Variants in NNT observed in about 807,000 individuals in gnomAD.
The protein encoded by NNT is NAD(P) transhydrogenase, mitochondrial.
Under a neutral mutation model 104.8 loss-of-function variants are expected in NNT, and 50 were observed. The ratio of observed to expected loss-of-function variants is 0.48; its 90% CI spans 0.38 to 0.60. The LOEUF (loss-of-function observed/expected upper bound fraction) is 0.60, where lower values mean the gene tolerates loss of function less well. Among genes scored for constraint, NNT ranks in the 20% least tolerant of loss-of-function variants. The pLI is 0.00. For missense variants in NNT, 1,131 were observed against 1,330.7 expected (o/e 0.85, Z 2.33); for synonymous variants, 461 against 490.4 (o/e 0.94, Z 0.79).
At chr5:43,690,154 C>T (rs1433548903) in intron 19 of NNT, among the ~76,000 whole-genome samples, 1 of 152,048 alleles carries the variant, frequency 6.6e-6, no homozygotes, top group Non-Finnish European at 1.5e-5. Flanking sequence ...CCAAATAACA[C>T]CTAGTAAAAC....
At chr5:43,624,881 T>A (rs1411676041) in intron 6 of NNT, among the ~76,000 whole-genome samples, 1 of 152,164 alleles carries the variant, frequency 6.6e-6, no homozygotes, top group African/African-American at 2.4e-5. Flanking sequence ...CTACTGTTAA[T>A]CTTGAACATA....
intron 2 of NNT, among the ~76,000 whole-genome samples, 171 bp downstream of exon 2, chr5:43,609,517 CG>C (rs1749397018): frequency 6.6e-6 from 1 of 152,146 alleles, no homozygotes; most frequent in Non-Finnish European, 1.5e-5. Flanking sequence ...GTACTATAGA[CG>C]TTCCTGATTT....
intron 19 of NNT, among the ~76,000 whole-genome samples, chr5:43,684,937 A>G (rs1259180763): frequency 6.6e-6 from 1 of 152,210 alleles, no homozygotes; most frequent in Non-Finnish European, 1.5e-5. Flanking sequence ...CTCAGAATGT[A>G]ACACTGCCAC....
intron 12 of NNT, among the ~76,000 whole-genome samples, chr5:43,651,226 T>A (rs1043270731): frequency 6.6e-5 from 10 of 152,176 alleles, no homozygotes; most frequent in African/African-American, 2.2e-4. Context: ...TCTTCCTGAA[T>A]ATATTTAGTG....
intron 17 of NNT, chr5:43,666,856 T>C (rs1740727127): frequency 6.8e-7 from 1 of 1,478,184 alleles, no homozygotes; most frequent in African/African-American, 1.4e-5. Context: ...GGTTTGATCC[T>C]TGGCCTTGGC....
chr5:43,698,464 C>A (rs1001299831), intron 19 of NNT, among the ~76,000 whole-genome samples: 4 of 151,948 alleles, frequency 2.6e-5, no homozygotes, highest in African/African-American at 9.7e-5. Context: ...GTGTGCCCTG[C>A]AATGAGATAG....
chr5:43,608,532 A>G (rs1749341003), intron 1 of NNT, among the ~76,000 whole-genome samples: 1 of 152,168 alleles, frequency 6.6e-6, no homozygotes, highest in Admixed American at 6.5e-5. Context: ...TCTTAGAGTC[A>G]TGTGTCATGC....
At chr5:43,607,661 C>A (rs1749298727) in intron 1 of NNT, among the ~76,000 whole-genome samples, 1 of 152,172 alleles carries the variant, frequency 6.6e-6, no homozygotes, top group South Asian at 2.1e-4. Context: ...CCATGTTGCC[C>A]AGGCTGGTCT....
rs771507700 is a variant in NNT, at chr5:43,613,132, G to A, written c.376G>A (p.Val126Ile). 3.7e-6 allele frequency: 6 copies of A among 1,610,448 alleles called. No individual in the cohort carries two copies. The highest frequency in any genetic ancestry group is 1.7e-4 in the Middle Eastern group (1 of 6,052). The stretch of plus-strand genomic sequence containing the variant: ...GGAAGTGCTGGCTTCTGATTTGGTG[G>A]TCAAAGTAATTATTCCTTTTTCCTC... ...AKEVLASDLV[V>I]KVRAPMVNPT... Residue 126 changes from valine to isoleucine, a missense_variant, in exon 3 of 22, where the codon GTC becomes ATC. Transcript: ENST00000344920.
intron 17 of NNT, among the ~76,000 whole-genome samples, chr5:43,663,075 T>G (rs1740455766): frequency 6.6e-6 from 1 of 152,152 alleles, no homozygotes; most frequent in South Asian, 2.1e-4. Flanking sequence ...TATGTAATTG[T>G]CTAACCTTAA....
At position 43,624,127 on chromosome 5, in the gene NNT, G is replaced by A; in HGVS notation, c.776+7G>A. ...TTCGAGGATTTGACACAAGGTGAGTGCTTTACTAGTGACTGATGTTAAGGT... is the reference window on the plus strand; with the variant it reads ...TTCGAGGATTTGACACAAGGTGAGTACTTTACTAGTGACTGATGTTAAGGT... On this transcript the variant is annotated splice_region_variant and intron_variant, in intron 6 of 21. Coordinates refer to ENST00000344920, the MANE Select transcript of NNT (RefSeq NM_182977.3). The A allele has an allele frequency of 6.2e-7, 1 of 1,613,412 alleles. No homozygotes were observed. The highest frequency in any genetic ancestry group is 8.5e-7 in the Non-Finnish European group (1 of 1,179,342).
intron 7 of NNT, among the ~76,000 whole-genome samples, chr5:43,629,209 TC>T (rs1750545650): frequency 6.6e-6 from 1 of 152,142 alleles, no homozygotes; most frequent in Non-Finnish European, 1.5e-5. Context: ...TAGCTTAGCT[TC>T]CACTTTTAAC....
intron 17 of NNT, among the ~76,000 whole-genome samples, chr5:43,674,910 A>G (rs1212504277): frequency 1.3e-5 from 2 of 152,162 alleles, no homozygotes; most frequent in Non-Finnish European, 2.9e-5. Flanking sequence ...TCTTCTACCT[A>G]TTTGGAAGTG....
chr5:43,630,744 T>C (rs1204560723), intron 7 of NNT, among the ~76,000 whole-genome samples: 1 of 152,214 alleles, frequency 6.6e-6, no homozygotes, highest in Non-Finnish European at 1.5e-5. Flanking sequence ...TCACCTCTTC[T>C]CTTCACCTAT....
At chr5:43,702,226 A>G (rs142453122) in intron 20 of NNT, among the ~76,000 whole-genome samples, 3 of 152,222 alleles carry the variant, frequency 2.0e-5, no homozygotes, top group African/African-American at 7.2e-5. Flanking sequence ...TTCTTCTTGG[A>G]TTCTTATAGT....
Position 43,645,472 on chromosome 5 carries a change from TC to T in NNT, c.1407del (p.Phe469LeufsTer28). The T allele has an allele frequency of 6.4e-7, 1 of 1,568,592 alleles. No individual in the cohort carries two copies. Among genetic ancestry groups the T allele is most frequent in the East Asian group, 2.4e-5 (1 of 42,174 alleles). On this transcript the variant is annotated frameshift_variant, in exon 10 of 22. Transcript: ENST00000344920. LOFTEE classifies it high-confidence loss of function. ...EAEKAATITP[F>X]RKTMSTASAY... ...GAAAAAGCAGCTACCATTACACCCT[TC>T]AGGAAGACAATGTCAACGGCTTCTG...
At chr5:43,621,415 C>T (rs576076719) in intron 5 of NNT, among the ~76,000 whole-genome samples, 13 of 152,218 alleles carry the variant, frequency 8.5e-5, no homozygotes, top group South Asian at 8.3e-4. Flanking sequence ...TTATGATATG[C>T]GAGGCATTGT....
intron 17 of NNT, among the ~76,000 whole-genome samples, chr5:43,671,015 T>A (rs958839189): frequency 1.9e-4 from 29 of 152,234 alleles, no homozygotes; most frequent in Admixed American, 1.7e-3. Flanking sequence ...TCTTGTTGAA[T>A]TGATCCCTTT....
intron 10 of NNT, 139 bp downstream of exon 10, chr5:43,645,649 ATCTATCTCTC>A (rs1437946684): frequency 5.0e-4 from 71 of 141,064 alleles, no homozygotes; most frequent in African/African-American, 1.9e-3. Flanking sequence ...ACATCTATCT[ATCTATCTCTC>A]TCTCTCTCTC....
Sources: allele counts gnomAD v4.1 joint callset (sites outside exome capture counted in the v4.1 genomes callset), GRCh38; gene constraint gnomAD v4.1.1; transcripts MANE v1.5; gene names NCBI Gene and HGNC (gene_info 2026-07-23, HGNC 2026-07-21).